The following ANKDD1A variants were observed in gnomAD, a reference collection of about 807,000 sequenced individuals.
ANKDD1A encodes ankyrin repeat and death domain containing 1A, also known as ankyrin repeat and death domain-containing protein 1A.
In ANKDD1A, 59 loss-of-function variants were observed where a neutral mutation model predicts 63.5. The observed-to-expected ratio is 0.93, with a 90% confidence interval of 0.75 to 1.15. The LOEUF (loss-of-function observed/expected upper bound fraction) is 1.15, where lower values mean the gene tolerates loss of function less well. Ranked by LOEUF, ANKDD1A falls within the 50% of genes most tolerant of loss-of-function variation. The probability of loss-of-function intolerance (pLI) is 0.00; values close to 1 mark genes in which losing one functional copy is unlikely to be tolerated. For missense variants in ANKDD1A, 632 were observed against 656.4 expected (o/e 0.96, Z 0.41); for synonymous variants, 266 against 263.9 (o/e 1.01, Z -0.08).
chr15:64,924,369 G>A (rs559355032), intron 4 of ANKDD1A, among the ~76,000 whole-genome samples: 2 of 152,380 alleles, frequency 1.3e-5, no homozygotes, highest in African/African-American at 4.8e-5. Flanking sequence ...CCCATCACAG[G>A]ACCAGTGTAG....
At position 64,947,742 on chromosome 15, in the gene ANKDD1A, C is replaced by T. The variant is rs750474789; in HGVS notation, c.1351+149C>T. ...TGTCCAACACACCTGGTGCTCTGTC[C>T]CTCCTCCAGGCCTCTGCACAGGGTG... On this transcript the variant is annotated intron_variant, in intron 13 of 14. Transcript: ENST00000319580. The T allele has an allele frequency of 1.1e-4, 106 of 935,808 alleles. 1 individual carries two copies. The highest frequency in any genetic ancestry group is 1.5e-4 in the Non-Finnish European group (96 of 631,054). The allele number at this position is 935,808 out of a possible 1,614,324, so 58.0% of individuals were successfully genotyped here. A position where few individuals can be genotyped will look rare whatever the true frequency, so the allele number is the denominator to read the frequency against.
chr15:64,917,890 A>C (rs2140364937), intron 3 of ANKDD1A, among the ~76,000 whole-genome samples: 1 of 152,358 alleles, frequency 6.6e-6, no homozygotes, highest in Non-Finnish European at 1.5e-5. Flanking sequence ...CACTTCAATC[A>C]AAGTCTTGGA....
At chr15:64,954,021 CTT>C (rs1256615810) in intron 14 of ANKDD1A, among the ~76,000 whole-genome samples, 1 of 118,924 alleles carries the variant, frequency 8.4e-6, no homozygotes, top group Admixed American at 9.1e-5. Context: ...CTTCTTTCCT[CTT>C]CTTTTCTTTC....
chr15:64,954,937 CTTG>C (rs1209713289), intron 14 of ANKDD1A, among the ~76,000 whole-genome samples: 1 of 147,110 alleles, frequency 6.8e-6, no homozygotes, highest in African/African-American at 2.5e-5. Flanking sequence ...TCTCCTTCTT[CTTG>C]TCTCTTCTTC....
chr15:64,935,119 T>C (rs1409440824), intron 9 of ANKDD1A, among the ~76,000 whole-genome samples: 2 of 151,400 alleles, frequency 1.3e-5, no homozygotes, highest in African/African-American at 4.9e-5. Context: ...TCCTAGCTAC[T>C]TGGGAGGCTG....
chr15:64,938,087 T>TA lies in ANKDD1A; in HGVS notation c.867+3860dup, dbSNP rs1267670112. Among the ~76,000 whole-genome samples, 3 of 152,256 alleles carry TA rather than the reference T, an allele frequency of 2.0e-5. No individual in the cohort carries two copies. In the East Asian group the frequency reaches 5.8e-4, roughly 29 times the overall value. ...TAGTATTGGATTGTAATCCAAAGTA[T>TA]AAAAAAACTGTGCGTCCATACTGAT... is the stretch of plus-strand genomic sequence containing the variant. On this transcript the variant is annotated intron_variant, in intron 9 of 14. Transcript: ENST00000319580.
At chr15:64,931,662 G>A in intron 8 of ANKDD1A, 77 bp downstream of exon 8, 1 of 1,488,776 alleles carries the variant, frequency 6.7e-7, no homozygotes, top group South Asian at 1.2e-5. Context: ...CGGCCACAGG[G>A]ATTCCTGAAC....
chr15:64,952,342 T>C (rs1269679353), intron 14 of ANKDD1A, among the ~76,000 whole-genome samples: 57 of 145,600 alleles, frequency 3.9e-4, no homozygotes, highest in African/African-American at 1.5e-3. Flanking sequence ...CTTCTCCTTC[T>C]TCTTAGTTCT....
chr15:64,923,573 C>G (rs1226104072), intron 4 of ANKDD1A, among the ~76,000 whole-genome samples: 1 of 152,116 alleles, frequency 6.6e-6, no homozygotes, highest in African/African-American at 2.4e-5. Flanking sequence ...AGGTCTGTCC[C>G]ATGCCATTGT....
chr15:64,912,884 A>G (rs776860173), intron 1 of ANKDD1A, among the ~76,000 whole-genome samples: 14 of 152,230 alleles, frequency 9.2e-5, no homozygotes, highest in Non-Finnish European at 1.9e-4. Context: ...GCGGAGGATC[A>G]CTTGAGTGGG....
At chr15:64,951,703 CTTA>C (rs1555397462) in intron 14 of ANKDD1A, among the ~76,000 whole-genome samples, 264 of 18,340 alleles carry the variant, frequency 0.014, 5 homozygotes, top group African/African-American at 0.029. Flanking sequence ...CTTCTTCTTC[CTTA>C]TTTTCTTTTT....
At chr15:64,941,245 G>A (rs28571139) in intron 9 of ANKDD1A, among the ~76,000 whole-genome samples, 1 of 152,032 alleles carries the variant, frequency 6.6e-6, no homozygotes, top group Non-Finnish European at 1.5e-5. Flanking sequence ...TAGTATTTTT[G>A]TCTTCTGTAT....
At chr15:64,950,111 G>A in intron 14 of ANKDD1A, 139 bp downstream of exon 14, 1 of 1,470,394 alleles carries the variant, frequency 6.8e-7, no homozygotes, top group Non-Finnish European at 9.0e-7. Flanking sequence ...CCCTAGCCCT[G>A]CCCTCTTTTC....
At chr15:64,931,380 A>T in intron 7 of ANKDD1A, 107 bp from the exon 8 acceptor site, 1 of 1,016,240 alleles carries the variant, frequency 9.8e-7, no homozygotes. Flanking sequence ...GGAGAGCTCA[A>T]GGGGTCCTGG....
At chr15:64,927,088 G>T in intron 6 of ANKDD1A, 89 bp downstream of exon 6, 2 of 1,366,828 alleles carry the variant, frequency 1.5e-6, no homozygotes, top group South Asian at 1.2e-5. Flanking sequence ...GTCCACGTCT[G>T]ACTCCGATTG....
intron 10 of ANKDD1A, 81 bp downstream of exon 10, chr15:64,942,646 T>C (rs1205209443): frequency 2.8e-6 from 3 of 1,061,720 alleles, no homozygotes; most frequent in African/African-American, 3.3e-5. Context: ...TGTGGTCTCC[T>C]AGCATGGCCC....
chr15:64,951,933 CTTTCT>C (rs1438837472), intron 14 of ANKDD1A, among the ~76,000 whole-genome samples: 7 of 136,322 alleles, frequency 5.1e-5, no homozygotes, highest in East Asian at 2.1e-4. Flanking sequence ...CCTCTTCTTC[CTTTCT>C]TTTCTTCTTC....
chr15:64,943,303 AT>A (rs1567115356), intron 10 of ANKDD1A, 180 bp from the exon 11 acceptor site: 105 of 604,362 alleles, frequency 1.7e-4, no homozygotes, highest in Admixed American at 4.8e-4. Flanking sequence ...GGGTAAAAAA[AT>A]TAAGATGTAA....
At chr15:64,950,826 C>T (rs991434940) in intron 14 of ANKDD1A, 1 of 1,058,838 alleles carries the variant, frequency 9.4e-7, no homozygotes, top group Admixed American at 6.1e-5. Flanking sequence ...CCTTTCTTTC[C>T]CCAAAATGTT....
Sources: allele counts gnomAD v4.1 joint callset (sites outside exome capture counted in the v4.1 genomes callset), GRCh38; gene constraint gnomAD v4.1.1; transcripts MANE v1.5; gene names NCBI Gene and HGNC (gene_info 2026-07-23, HGNC 2026-07-21).